The following CLIC5 variants were observed in gnomAD, a reference collection of about 807,000 sequenced individuals.
The protein encoded by CLIC5 is chloride intracellular channel protein 5.
Under a neutral mutation model 24.7 loss-of-function variants are expected in CLIC5, and 20 were observed. The observed-to-expected ratio is 0.81, with a 90% CI of 0.57 to 1.18. The LOEUF is 1.18. Among genes scored for constraint, CLIC5 ranks in the 50% most tolerant of loss-of-function variants. The probability of loss-of-function intolerance (pLI) is 0.00; values close to 1 mark genes in which losing one functional copy is unlikely to be tolerated. For missense variants in CLIC5, 341 were observed against 326.1 expected (o/e 1.05, Z -0.35); for synonymous variants, 159 against 135.6 (o/e 1.17, Z -1.20).
At chr6:46,104,612 C>A in the CLIC5 span, among the ~76,000 whole-genome samples, 4 of 147,954 alleles carry the variant, frequency 2.7e-5, no homozygotes, top group African/African-American at 1.0e-4. Flanking sequence ...CCAAGCCTGG[C>A]AAATTATAAT....
At chr6:45,993,718 A>G (rs1386086108) in intron 1 of CLIC5, among the ~76,000 whole-genome samples, 1 of 152,226 alleles carries the variant, frequency 6.6e-6, no homozygotes, top group Non-Finnish European at 1.5e-5. Context: ...ATAAAACTGT[A>G]AACTAAGGAG....
intron 1 of CLIC5, among the ~76,000 whole-genome samples, chr6:45,955,804 GA>G (rs1764623316): frequency 6.6e-6 from 1 of 151,644 alleles, no homozygotes; most frequent in South Asian, 2.1e-4. Context: ...TCCCTATATG[GA>G]GGCTAATCAG....
chr6:45,919,637 C>T (rs1005601973), intron 4 of CLIC5, among the ~76,000 whole-genome samples: 1 of 152,188 alleles, frequency 6.6e-6, no homozygotes, highest in African/African-American at 2.4e-5. Flanking sequence ...ACAACTGTTT[C>T]TACTCTGTGA....
chr6:46,088,308 C>G, the CLIC5 span, among the ~76,000 whole-genome samples: 8 of 152,058 alleles, frequency 5.3e-5, no homozygotes, highest in African/African-American at 1.9e-4. Flanking sequence ...CACTTGACTC[C>G]TATAATTTCA....
exon 7 of CLIC5, chr6:45,881,150 C>T: frequency 2.5e-6 from 1 of 398,186 alleles, no homozygotes; most frequent in South Asian, 1.3e-4. Flanking sequence ...CTTGCTTCTT[C>T]CTCTACTCCA....
chr6:46,117,086 T>A, the CLIC5 span, among the ~76,000 whole-genome samples: 1 of 152,212 alleles, frequency 6.6e-6, no homozygotes, highest in Non-Finnish European at 1.5e-5. Context: ...TTTAGTGACC[T>A]CAAATTGTCC....
At chr6:45,993,186 A>G (rs1377658202) in intron 1 of CLIC5, among the ~76,000 whole-genome samples, 4 of 152,246 alleles carry the variant, frequency 2.6e-5, no homozygotes, top group Non-Finnish European at 4.4e-5. Flanking sequence ...ATAAGGCCAT[A>G]TGAGCAGAAA....
At chr6:45,912,484 T>C (rs1194536956) in intron 5 of CLIC5, 2 of 1,311,016 alleles carry the variant, frequency 1.5e-6, no homozygotes, top group African/African-American at 3.0e-5. Flanking sequence ...AGTGAATACA[T>C]GTTTGAGCAA....
intron 1 of CLIC5, among the ~76,000 whole-genome samples, chr6:46,046,192 C>T (rs1451367569): frequency 6.6e-6 from 1 of 152,196 alleles, no homozygotes; most frequent in African/African-American, 2.4e-5. Flanking sequence ...CTTCTTCTAA[C>T]TGATGTGTAA....
At chr6:46,055,600 A>G (rs552185669) in intron 1 of CLIC5, among the ~76,000 whole-genome samples, 1 of 152,240 alleles carries the variant, frequency 6.6e-6, no homozygotes, top group Non-Finnish European at 1.5e-5. Flanking sequence ...TGTAAATACA[A>G]AATCTTTCTG....
intron 1 of CLIC5, among the ~76,000 whole-genome samples, chr6:46,037,219 A>G (rs1023201234): frequency 1.3e-5 from 2 of 152,168 alleles, no homozygotes; most frequent in African/African-American, 4.8e-5. Flanking sequence ...TCTTTTGTAT[A>G]TCTGTGTCCA....
chr6:46,041,520 T>C (rs1041320524), intron 1 of CLIC5, among the ~76,000 whole-genome samples: 1 of 152,236 alleles, frequency 6.6e-6, no homozygotes, highest in Non-Finnish European at 1.5e-5. Context: ...AGTTCTTCGT[T>C]CCTCACTTTA....
upstream of CLIC5, among the ~76,000 whole-genome samples, chr6:46,020,332 T>A (rs965229413): frequency 3.9e-5 from 6 of 152,112 alleles, no homozygotes; most frequent in African/African-American, 1.4e-4. Flanking sequence ...AATTCATTGA[T>A]CAACAAGGAA....
At chr6:46,061,931 C>T (rs1293286075) in intron 1 of CLIC5, among the ~76,000 whole-genome samples, 2 of 152,208 alleles carry the variant, frequency 1.3e-5, no homozygotes, top group African/African-American at 4.8e-5. Flanking sequence ...ACTGATTGGT[C>T]TTCAAGCCAG....
intron 1 of CLIC5, among the ~76,000 whole-genome samples, chr6:46,014,129 T>C (rs1766906734): frequency 6.6e-6 from 1 of 152,160 alleles, no homozygotes; most frequent in Admixed American, 6.5e-5. Context: ...TCACTAAATG[T>C]CAGGTGTAAG....
the CLIC5 span, among the ~76,000 whole-genome samples, chr6:46,111,027 C>T: frequency 6.6e-6 from 1 of 152,254 alleles, no homozygotes; most frequent in South Asian, 2.1e-4. Context: ...ACTTGTTATT[C>T]GATTGTAGCC....
At chr6:46,017,095 C>A (rs1185083051), upstream of CLIC5, among the ~76,000 whole-genome samples, 1 of 152,180 alleles carries the variant, frequency 6.6e-6, no homozygotes, top group Non-Finnish European at 1.5e-5. Context: ...AGAATGCTCT[C>A]CTTGTGTAAA....
At chr6:45,973,403 T>C (rs938023598) in intron 1 of CLIC5, among the ~76,000 whole-genome samples, 1 of 152,224 alleles carries the variant, frequency 6.6e-6, no homozygotes, top group Non-Finnish European at 1.5e-5. Flanking sequence ...AATAACTCGC[T>C]TGCAGCTAAC....
At chr6:46,007,743 C>T (rs567294871) in intron 1 of CLIC5, among the ~76,000 whole-genome samples, 7 of 152,188 alleles carry the variant, frequency 4.6e-5, no homozygotes, top group African/African-American at 1.7e-4. Context: ...GACTGGATGA[C>T]TTCTGGAAGC....
Sources: gnomAD v4.1 joint callset for allele counts (sites outside exome capture counted in the v4.1 genomes callset) on GRCh38, gnomAD v4.1.1 for gene constraint, MANE v1.5 for transcripts, NCBI Gene and HGNC (gene_info 2026-07-23, HGNC 2026-07-21) for gene names.